The following SETX variants were observed in gnomAD, a reference collection of about 807,000 sequenced individuals.
SETX encodes the protein senataxin.
SETX carries 90 observed loss-of-function variants against 227.2 expected under a neutral mutation model. The ratio of observed to expected loss-of-function variants is 0.40; its 90% CI spans 0.33 to 0.47. The LOEUF is 0.47. SETX is among the 20% of genes least tolerant of loss of function. The pLI is 0.91. For missense variants in SETX, 3,052 were observed against 3,181.5 expected (o/e 0.96, Z 0.98); for synonymous variants, 1,210 against 1,113.2 (o/e 1.09, Z -1.73).
rs546828646 is a variant in SETX at position 132,264,616 on chromosome 9, T to C, written c.7657A>G (p.Ile2553Val). The C allele has an allele frequency of 1.2e-6, 2 of 1,614,208 alleles. No homozygotes were observed. The highest frequency in any genetic ancestry group is 3.3e-5 in the Admixed American group (2 of 60,028). ...KRMGIEVKGG[I>V]FLWDPQPSSP... is the part of the protein sequence containing the mutation. The stretch of plus-strand genomic sequence containing the variant: ...GAGGGTTGTGGATCCCAAAGGAATA[T>C]TCCTCCTTTGACCTCAATGCCCATC... Residue 2553 changes from isoleucine to valine, a missense_variant, in exon 26 of 26, where the codon ATA (isoleucine) becomes GTA (valine). Transcript: ENST00000224140.
At position 132,288,533 on chromosome 9, in the gene SETX, C is replaced by A. The variant is rs182144319; in HGVS notation, c.6208+17G>T. The A allele has an allele frequency of 1.9e-6, 3 of 1,584,864 alleles. No homozygotes were observed. The highest frequency in any genetic ancestry group is 2.6e-6 in the Non-Finnish European group (3 of 1,153,822). On this transcript the variant is annotated intron_variant, in intron 16 of 25. Transcript: ENST00000224140. ...AAAACAGAGAAAACACTAGTATATACCACATTCAGTACTTACTCATTCTGT... is the reference window on the plus strand; with the variant it reads ...AAAACAGAGAAAACACTAGTATATAACACATTCAGTACTTACTCATTCTGT...
At chr9:132,336,546 C>A in intron 5 of SETX, 31 bp from the exon 6 acceptor site, 1 of 1,448,312 alleles carries the variant, frequency 6.9e-7, no homozygotes, top group South Asian at 1.1e-5. Flanking sequence ...TTACTTAATT[C>A]AATAAACAAT....
At chr9:132,302,356 C>CA (rs35649212) in intron 11 of SETX, among the ~76,000 whole-genome samples, 6,009 of 27,472 alleles carry the variant, frequency 0.22, 973 homozygotes, top group East Asian at 0.56. Flanking sequence ...GAATCCATCT[C>CA]AAAAAAAAAA....
At chr9:132,346,544 G>T in intron 3 of SETX, 73 bp from the exon 4 acceptor site, 1 of 1,093,454 alleles carries the variant, frequency 9.1e-7, no homozygotes, top group South Asian at 1.3e-5. Flanking sequence ...TGACGACCTA[G>T]AAAGCCTTTT....
rs1256578161 is a variant in SETX, at chr9:132,264,809, A to G, written c.7464T>C (p.Gly2488=). ...TIAPEGSRPQ[G]GLPSSKLDSG... The stretch of plus-strand genomic sequence containing the variant: ...TGTCTAGCTTGCTGCTGGGCAAACC[A>G]CCCTGGGGTCTGGACCCCTCTGGGG... Residue 2488 remains glycine, a synonymous_variant, in exon 26 of 26, where the codon GGT becomes GGC. Coordinates refer to ENST00000224140, the MANE Select transcript of SETX (RefSeq NM_015046.7). The G allele has an allele frequency of 6.2e-7, 1 of 1,614,092 alleles. No homozygotes were observed. Among genetic ancestry groups the G allele is most frequent in the East Asian group, 2.2e-5 (1 of 44,882 alleles).
intron 23 of SETX, 173 bp downstream of exon 23, chr9:132,275,083 C>T (rs1265250535): frequency 2.3e-5 from 15 of 662,164 alleles, no homozygotes; most frequent in Non-Finnish European, 3.4e-5. Flanking sequence ...AACCTGTCTA[C>T]CCAGGAGCCA....
intron 10 of SETX, among the ~76,000 whole-genome samples, chr9:132,314,645 T>A (rs531970695): frequency 3.9e-5 from 6 of 152,296 alleles, no homozygotes; most frequent in Non-Finnish European, 8.8e-5. Context: ...AGATATCCAG[T>A]TAGGCCTCAT....
intron 5 of SETX, 64 bp downstream of exon 5, chr9:132,342,625 TA>T: frequency 8.8e-7 from 1 of 1,137,422 alleles, no homozygotes; most frequent in Non-Finnish European, 1.3e-6. Context: ...CAAAAACCGC[TA>T]TTATAGCTAT....
At chr9:132,308,274 A>T (rs183089626) in intron 11 of SETX, among the ~76,000 whole-genome samples, 130 of 152,364 alleles carry the variant, frequency 8.5e-4, no homozygotes, top group Non-Finnish European at 1.5e-3. Context: ...AACAAGTAAC[A>T]AAAATTTACC....
chr9:132,275,612 G>A lies in SETX; in HGVS notation c.6936-192C>T, dbSNP rs73545073. 1.5e-3 allele frequency among the ~76,000 whole-genome samples: 229 copies of A among 152,292 alleles called. 1 individual carries two copies. Among genetic ancestry groups the A allele is most frequent in the African/African-American group, 5.2e-3 (217 of 41,556 alleles). The stretch of plus-strand genomic sequence containing the variant: ...TAATATGGTATATATGAATAAATGT[G>A]AAAATACTATGGTAAATATGAATAC... On this transcript the variant is annotated intron_variant, in intron 22 of 25. Coordinates refer to ENST00000224140, the MANE Select transcript of SETX (RefSeq NM_015046.7).
At chr9:132,308,338 G>C (rs1321840391) in intron 11 of SETX, among the ~76,000 whole-genome samples, 2 of 152,112 alleles carry the variant, frequency 1.3e-5, no homozygotes, top group Non-Finnish European at 2.9e-5. Flanking sequence ...AACACACAGA[G>C]GACAGAGACA....
At chr9:132,299,677 T>G (rs1369978504) in intron 12 of SETX, among the ~76,000 whole-genome samples, 2 of 152,202 alleles carry the variant, frequency 1.3e-5, no homozygotes, top group Non-Finnish European at 1.5e-5. Context: ...AAAAACAATG[T>G]GGACTTTGCA....
chr9:132,275,506 C>T, intron 22 of SETX, 86 bp from the exon 23 acceptor site: 3 of 1,221,750 alleles, frequency 2.5e-6, no homozygotes, highest in Non-Finnish European at 3.5e-6. Context: ...AGTTTGTTTC[C>T]CATTATAGTA....
At chr9:132,294,384 A>C (rs1304861527) in intron 15 of SETX, among the ~76,000 whole-genome samples, 3 of 152,258 alleles carry the variant, frequency 2.0e-5, no homozygotes, top group Non-Finnish European at 4.4e-5. Context: ...ATCAATGAAT[A>C]AATGTTGCAC....
At chr9:132,294,322 A>G (rs989364988) in intron 15 of SETX, among the ~76,000 whole-genome samples, 7 of 152,260 alleles carry the variant, frequency 4.6e-5, no homozygotes, top group African/African-American at 1.7e-4. Context: ...ATGTTTTAAT[A>G]AAGTTTTGTA....
At chr9:132,321,141 C>A (rs1308149792) in intron 10 of SETX, among the ~76,000 whole-genome samples, 4 of 152,252 alleles carry the variant, frequency 2.6e-5, no homozygotes, top group Non-Finnish European at 5.9e-5. Flanking sequence ...CCACACTCAG[C>A]TCCCTGCCAC....
chr9:132,352,118 T>C (rs1302978577), intron 2 of SETX, among the ~76,000 whole-genome samples: 1 of 152,184 alleles, frequency 6.6e-6, no homozygotes, highest in African/African-American at 2.4e-5. Context: ...TTCAGCTCCT[T>C]TGCACTCTGG....
In SETX at chr9:132,326,988, C is replaced by T. The variant is rs777573332; in HGVS notation, c.4610G>A (p.Ser1537Asn). ...ACTCAAAGATTCCAACTGAGGCCGACTTACAGAATCTTCTTCAACCTCAAC... is the reference window on the plus strand; with the variant it reads ...ACTCAAAGATTCCAACTGAGGCCGATTTACAGAATCTTCTTCAACCTCAAC... ...DTVEVEEDSVSRPQLESLSGT... is the reference protein window; with the variant it reads ...DTVEVEEDSVNRPQLESLSGT... Residue 1537 changes from serine (S) to asparagine (N), a missense_variant, in exon 10 of 26, where the codon AGT (serine) becomes AAT (asparagine). This residue lies in a region of SETX where 1,483 missense variants were observed against 1,312.0 expected (regional missense o/e 1.13). Transcript: ENST00000224140. The T allele has an allele frequency of 1.7e-5, 27 of 1,614,118 alleles. No homozygotes were observed. The highest frequency in any genetic ancestry group is 2.2e-5 in the Non-Finnish European group (26 of 1,180,048).
At chr9:132,355,505 C>G (rs1299012593), upstream of SETX, among the ~76,000 whole-genome samples, 1 of 152,210 alleles carries the variant, frequency 6.6e-6, no homozygotes, top group Non-Finnish European at 1.5e-5. Context: ...GAAAGGGAGA[C>G]CTTAGGTCTT....
Sources: allele counts gnomAD v4.1 joint callset (sites outside exome capture counted in the v4.1 genomes callset), GRCh38; gene constraint gnomAD v4.1.1; regional missense constraint gnomAD v4.1.1; transcripts MANE v1.5; gene names NCBI Gene and HGNC (gene_info 2026-07-23, HGNC 2026-07-21).